Variants in IDE observed in about 807,000 individuals in gnomAD.
The protein encoded by IDE is insulin degrading enzyme, also known as insulin-degrading enzyme.
In IDE, 58 loss-of-function variants were observed where a neutral mutation model predicts 133.2. The ratio of observed to expected loss-of-function variants is 0.44; its 90% CI spans 0.35 to 0.54. IDE has a LOEUF of 0.54. IDE is among the 20% of genes least tolerant of loss of function. The pLI, the probability that IDE is intolerant of heterozygous loss-of-function variation, is 0.00. For missense variants in IDE, 981 were observed against 1,234.0 expected (o/e 0.79, Z 3.07); for synonymous variants, 396 against 421.3 (o/e 0.94, Z 0.73).
chr10:92,557,874 C>CA (rs3051565), intron 1 of IDE, among the ~76,000 whole-genome samples: 59,409 of 107,126 alleles, frequency 0.55, 17,132 homozygotes, highest in East Asian at 0.73. Flanking sequence ...GATTCCACCT[C>CA]AAAAAAAAAA....
At position 92,510,076 on chromosome 10, in the gene IDE, G is replaced by T; in HGVS notation, c.871C>A (p.His291Asn). The T allele has an allele frequency of 6.3e-7, 1 of 1,596,694 alleles. No homozygotes were observed. The highest frequency in any genetic ancestry group is 8.6e-7 in the Non-Finnish European group (1 of 1,166,084). ...KNVPLPEFPE[H>N]PFQEEHLKQL... Reference sequence around the variant, plus strand: ...TTAAGATGTTCTTCTTGGAAAGGGTGTTCAGGAAATTCTGGCAATGGAACA... The same window carrying T: ...TTAAGATGTTCTTCTTGGAAAGGGTTTTCAGGAAATTCTGGCAATGGAACA... Residue 291 changes from histidine to asparagine, a missense_variant, in exon 6 of 25, where the codon CAC becomes AAC. Coordinates refer to ENST00000265986, the MANE Select transcript of IDE (RefSeq NM_004969.4).
intron 11 of IDE, among the ~76,000 whole-genome samples, chr10:92,503,095 T>C (rs1216725509): frequency 3.3e-5 from 5 of 152,090 alleles, no homozygotes; most frequent in Non-Finnish European, 7.4e-5. Context: ...CATGGTATCT[T>C]ATTCCAATTT....
At chr10:92,484,835 G>C (rs957050579) in intron 13 of IDE, among the ~76,000 whole-genome samples, 1 of 152,004 alleles carries the variant, frequency 6.6e-6, no homozygotes. Flanking sequence ...AGGCAGGATC[G>C]CTTGAGCCTA....
At chr10:92,472,527 A>G (rs946428810) in intron 17 of IDE, among the ~76,000 whole-genome samples, 7 of 152,246 alleles carry the variant, frequency 4.6e-5, no homozygotes, top group African/African-American at 1.7e-4. Context: ...GGCAATCAAC[A>G]AAATAATGAC....
At position 92,455,549 on chromosome 10, in the gene IDE, A is replaced by C. The variant is rs1323342948; in HGVS notation, c.2964+27T>G. ...TAAATAGAAAGTCCTCTGTCAGTAC[A>C]ATCTAACATAACGTTATATTTCTTA... On this transcript the variant is annotated intron_variant, in intron 24 of 24. Coordinates refer to ENST00000265986, the MANE Select transcript of IDE (RefSeq NM_004969.4). 7.9e-6 allele frequency: 11 copies of C among 1,383,910 alleles called. No individual in the cohort carries two copies. The South Asian group carries it at 1.2e-4, about 15-fold the overall frequency. 85.7% of individuals were successfully genotyped at this position (1,383,910 alleles called of 1,614,324 possible). A position where few individuals can be genotyped will look rare whatever the true frequency, so the allele number is the denominator to read the frequency against.
intron 1 of IDE, among the ~76,000 whole-genome samples, chr10:92,565,645 C>G (rs1475536303): frequency 6.6e-6 from 1 of 152,076 alleles, no homozygotes; most frequent in Admixed American, 6.6e-5. Context: ...TTTCCTATAT[C>G]CATCCATGTC....
intron 1 of IDE, chr10:92,572,850 C>A: frequency 1.0e-6 from 1 of 970,876 alleles, no homozygotes; most frequent in South Asian, 4.8e-5. Context: ...AGCCAGCCTA[C>A]CCCCCCATCT....
intron 1 of IDE, among the ~76,000 whole-genome samples, chr10:92,561,616 G>A (rs1843287004): frequency 6.6e-6 from 1 of 151,206 alleles, no homozygotes; most frequent in African/African-American, 2.4e-5. Flanking sequence ...AAAAAAATTA[G>A]CTGGGCGTGG....
intron 1 of IDE, 43 bp downstream of exon 1, chr10:92,573,879 T>G (rs1206568944): frequency 3.7e-6 from 5 of 1,347,764 alleles, no homozygotes; most frequent in Non-Finnish European, 4.9e-6. Context: ...CAAACCGCTG[T>G]GACCCACGGG....
intron 1 of IDE, among the ~76,000 whole-genome samples, chr10:92,543,940 T>C (rs923480956): frequency 6.6e-6 from 1 of 152,024 alleles, no homozygotes; most frequent in African/African-American, 2.4e-5. Context: ...TGTTAGGAAA[T>C]GTAAGATATA....
At chr10:92,508,524 G>C (rs534043436) in intron 7 of IDE, among the ~76,000 whole-genome samples, 1 of 147,888 alleles carries the variant, frequency 6.8e-6, no homozygotes, top group African/African-American at 2.5e-5. Context: ...GACTAGCCTA[G>C]GCAAAATGGC....
chr10:92,535,255 C>G (rs1841936935), intron 2 of IDE, among the ~76,000 whole-genome samples: 1 of 152,196 alleles, frequency 6.6e-6, no homozygotes, highest in African/African-American at 2.4e-5. Context: ...AGGCGCCCAC[C>G]ACCGCGCCCA....
chr10:92,519,879 C>T (rs368437883), intron 4 of IDE, among the ~76,000 whole-genome samples: 54 of 152,204 alleles, frequency 3.5e-4, no homozygotes, highest in African/African-American at 1.1e-3. Flanking sequence ...CTGAGGCAGG[C>T]GGATCACCTG....
At chr10:92,482,319 A>T (rs1425493311) in intron 14 of IDE, among the ~76,000 whole-genome samples, 2 of 152,238 alleles carry the variant, frequency 1.3e-5, no homozygotes, top group African/African-American at 2.4e-5. Context: ...GTAAAATCTG[A>T]AACAGGTGAT....
chr10:92,508,257 GAAGAT>G (rs1236550026), intron 7 of IDE, 52 bp from the exon 8 acceptor site: 1 of 1,408,486 alleles, frequency 7.1e-7, no homozygotes, highest in African/African-American at 1.4e-5. Context: ...TGGCTTCCTT[GAAGAT>G]AAGAAAAATT....
At chr10:92,526,768 C>T (rs1849642043) in intron 4 of IDE, among the ~76,000 whole-genome samples, 1 of 151,078 alleles carries the variant, frequency 6.6e-6, no homozygotes, top group African/African-American at 2.4e-5. Flanking sequence ...ATCATTTGAG[C>T]CCAGGAGGAG....
intron 1 of IDE, among the ~76,000 whole-genome samples, chr10:92,573,364 T>C (rs1249218264): frequency 1.3e-5 from 2 of 152,090 alleles, no homozygotes; most frequent in Non-Finnish European, 2.9e-5. Context: ...TGTCCCCCGA[T>C]AGGAAACCCC....
intron 22 of IDE, among the ~76,000 whole-genome samples, chr10:92,456,636 C>T (rs891926838): frequency 9.2e-5 from 14 of 151,812 alleles, no homozygotes; most frequent in African/African-American, 3.4e-4. Flanking sequence ...GTCAGGAGTT[C>T]GAGACCAGCC....
chr10:92,559,849 C>T (rs937733673), intron 1 of IDE, among the ~76,000 whole-genome samples: 12 of 151,474 alleles, frequency 7.9e-5, no homozygotes, highest in African/African-American at 1.9e-4. Context: ...GCAATCCTCC[C>T]GCCTCAGCCT....
Sources: allele counts gnomAD v4.1 joint callset (sites outside exome capture counted in the v4.1 genomes callset), GRCh38; gene constraint gnomAD v4.1.1; transcripts MANE v1.5; gene names NCBI Gene and HGNC (gene_info 2026-07-23, HGNC 2026-07-21).